The following NCKAP5 variants were observed in gnomAD, a reference collection of about 807,000 sequenced individuals.
NCKAP5 encodes nck-associated protein 5.
In NCKAP5, 92 loss-of-function variants were observed where a neutral mutation model predicts 167.0. The observed-to-expected ratio is 0.55, with a 90% CI of 0.47 to 0.66. The LOEUF (loss-of-function observed/expected upper bound fraction) is 0.66. Among genes scored for constraint, NCKAP5 ranks in the 30% least tolerant of loss-of-function variants. NCKAP5 has a pLI of 0.00. For synonymous variants in NCKAP5, 891 were observed against 877.4 expected (o/e 1.02, Z -0.27); for missense variants, 2,378 against 2,315.0 (o/e 1.03, Z -0.56).
At chr2:133,356,565 G>A (rs761485022) in intron 3 of NCKAP5, among the ~76,000 whole-genome samples, 3 of 152,152 alleles carry the variant, frequency 2.0e-5, no homozygotes, top group Non-Finnish European at 4.4e-5. Flanking sequence ...TAGAGTTAAA[G>A]GATTCATAGG....
intron 3 of NCKAP5, among the ~76,000 whole-genome samples, chr2:133,387,768 C>A (rs969035589): frequency 6.6e-6 from 1 of 152,100 alleles, no homozygotes; most frequent in Non-Finnish European, 1.5e-5. Flanking sequence ...CTCGAAATTT[C>A]TCTTCTTGCT....
chr2:132,878,009 A>G (rs1359929405), intron 9 of NCKAP5, among the ~76,000 whole-genome samples: 2 of 152,218 alleles, frequency 1.3e-5, no homozygotes, highest in Non-Finnish European at 2.9e-5. Context: ...AGATGACTAA[A>G]GAAGTGATTT....
intron 1 of NCKAP5, among the ~76,000 whole-genome samples, chr2:133,563,567 A>T (rs968464266): frequency 0.021 from 1,227 of 57,676 alleles, 24 homozygotes; most frequent in African/African-American, 0.085. Context: ...GACTCCATAA[A>T]AAAAAAAAAA....
intron 11 of NCKAP5, among the ~76,000 whole-genome samples, chr2:132,828,295 A>T (rs927017837): frequency 2.0e-5 from 3 of 152,142 alleles, no homozygotes; most frequent in African/African-American, 7.2e-5. Flanking sequence ...CCCAAACCTC[A>T]TGTTGAAGTG....
chr2:133,471,792 C>G (rs1223275568), intron 3 of NCKAP5, among the ~76,000 whole-genome samples: 2 of 152,140 alleles, frequency 1.3e-5, no homozygotes. Flanking sequence ...CCTCTACTGT[C>G]TCTCACCTCA....
rs1164934901 is a variant in NCKAP5 at position 133,173,850 on chromosome 2, A to G, written c.207+39866T>C. 2.0e-5 allele frequency among the ~76,000 whole-genome samples: 3 copies of G among 152,370 alleles called. No homozygotes were observed. In the South Asian group the frequency reaches 6.2e-4, roughly 32 times the overall value. Reference sequence around the variant, plus strand: ...TCTAGCTCTGGCTTTCTTTGACAATATCCACATATGACAGATTTACCAAAA... The same window carrying G: ...TCTAGCTCTGGCTTTCTTTGACAATGTCCACATATGACAGATTTACCAAAA... On this transcript the variant is annotated intron_variant, in intron 5 of 19. Coordinates refer to ENST00000409261, the MANE Select transcript of NCKAP5 (RefSeq NM_207363.3).
At chr2:133,433,007 C>G (rs1046460715) in intron 3 of NCKAP5, among the ~76,000 whole-genome samples, 1 of 152,104 alleles carries the variant, frequency 6.6e-6, no homozygotes, top group Admixed American at 6.5e-5. Flanking sequence ...ATTTTTATAG[C>G]TCTTGACATA....
rs118099013 is a variant in NCKAP5 at position 132,693,182 on chromosome 2, C to T, written c.5714-19877G>A. On this transcript the variant is annotated intron_variant, in intron 19 of 19. Transcript: ENST00000409261. ...TTCCATCTTCTGCTTCTTGGCTTCA[C>T]GTACTCTCATGGGTTGAACTAGGTC... is the stretch of plus-strand genomic sequence containing the variant. Among the ~76,000 whole-genome samples, 106 of 152,274 alleles carry T rather than the reference C, an allele frequency of 7.0e-4. 1 individual carries two copies. The East Asian group carries it at 0.019, about 27-fold the overall frequency.
At chr2:133,578,174 T>G in the NCKAP5 span, among the ~76,000 whole-genome samples, 1 of 152,210 alleles carries the variant, frequency 6.6e-6, no homozygotes, top group Non-Finnish European at 1.5e-5. Context: ...TGTGGTTTCC[T>G]CTATATCTTG....
intron 2 of NCKAP5, among the ~76,000 whole-genome samples, chr2:133,522,542 T>C (rs754328898): frequency 2.0e-5 from 3 of 152,200 alleles, no homozygotes; most frequent in Non-Finnish European, 4.4e-5. Context: ...GCATTTTATG[T>C]TCTGTGTTCC....
At chr2:133,630,663 A>G in the NCKAP5 span, among the ~76,000 whole-genome samples, 943 of 152,312 alleles carry the variant, frequency 6.2e-3, 4 homozygotes, top group Non-Finnish European at 0.011. Flanking sequence ...TTCTGCCACC[A>G]GGAATATGCC....
chr2:133,177,481 A>T lies in NCKAP5; in HGVS notation c.207+36235T>A, dbSNP rs377276773. Among the ~76,000 whole-genome samples the T allele has an allele frequency of 1.1e-4, 17 of 152,014 alleles. 1 individual carries two copies. The South Asian group carries it at 3.5e-3, about 32-fold the overall frequency. ...GCACAGCTTCACTTTACCCCCTTAA[A>T]CCACACAGATGTTCTCAGAATGCAA... On this transcript the variant is annotated intron_variant, in intron 5 of 19. Coordinates refer to ENST00000409261, the MANE Select transcript of NCKAP5 (RefSeq NM_207363.3).
At chr2:133,164,663 G>A (rs1172323281) in intron 5 of NCKAP5, among the ~76,000 whole-genome samples, 1 of 152,064 alleles carries the variant, frequency 6.6e-6, no homozygotes, top group Admixed American at 6.5e-5. Context: ...CTTTCCTTGT[G>A]GCTTTGGGAT....
At position 133,324,591 on chromosome 2, in the gene NCKAP5, T is replaced by C. The variant is rs1574703483; in HGVS notation, c.70-21481A>G. 3.9e-5 allele frequency among the ~76,000 whole-genome samples: 6 copies of C among 152,308 alleles called. No homozygotes were observed. The South Asian group carries it at 1.2e-3, about 32-fold the overall frequency. The stretch of plus-strand genomic sequence containing the variant: ...CAGAATTTCCTCTAAAGTTTTCACT[T>C]AGATGTCACAAAGAAGGCCTGATTT... On this transcript the variant is annotated intron_variant, in intron 3 of 19. Transcript: ENST00000409261.
chr2:132,947,059 G>C (rs1162523093), intron 8 of NCKAP5, among the ~76,000 whole-genome samples: 1 of 152,172 alleles, frequency 6.6e-6, no homozygotes, highest in Non-Finnish European at 1.5e-5. Flanking sequence ...TTTCTATTTA[G>C]AGGATCAGGG....
At chr2:133,370,436 C>T (rs945673592) in intron 3 of NCKAP5, among the ~76,000 whole-genome samples, 1 of 152,046 alleles carries the variant, frequency 6.6e-6, no homozygotes, top group African/African-American at 2.4e-5. Context: ...GGAATTATAC[C>T]GTGCCCTTGA....
chr2:133,490,192 T>C (rs1436397762), intron 3 of NCKAP5, among the ~76,000 whole-genome samples: 1 of 152,166 alleles, frequency 6.6e-6, no homozygotes, highest in Non-Finnish European at 1.5e-5. Context: ...GCTATAACCC[T>C]GGAATTGGGT....
At chr2:133,289,511 G>A (rs954027166) in intron 4 of NCKAP5, among the ~76,000 whole-genome samples, 1 of 152,188 alleles carries the variant, frequency 6.6e-6, no homozygotes, top group East Asian at 1.9e-4. Context: ...GGAGGCCGAG[G>A]CAGGCAGATC....
chr2:132,840,860 C>A (rs1299956704), intron 11 of NCKAP5, among the ~76,000 whole-genome samples: 1 of 151,702 alleles, frequency 6.6e-6, no homozygotes, highest in Non-Finnish European at 1.5e-5. Context: ...TGAGTTTTTT[C>A]AAATTGTCAC....
Sources: gnomAD v4.1 joint callset for allele counts (sites outside exome capture counted in the v4.1 genomes callset) on GRCh38, gnomAD v4.1.1 for gene constraint, MANE v1.5 for transcripts, NCBI Gene and HGNC (gene_info 2026-07-23, HGNC 2026-07-21) for gene names.